BRIP1: variants seen among roughly 807,000 people sequenced by gnomAD.
BRIP1 encodes the protein BRCA1 interacting DNA helicase 1, also known as Fanconi anemia group J protein.
A neutral mutation model predicts 119.7 loss-of-function variants in BRIP1; 88 were observed. The observed-to-expected ratio is 0.74, with a 90% CI of 0.62 to 0.88. BRIP1 has a LOEUF of 0.88. Among genes scored for constraint, BRIP1 ranks in the 40% least tolerant of loss-of-function variants. BRIP1 has a pLI of 0.00. For synonymous variants in BRIP1, 443 were observed against 496.5 expected (o/e 0.89, Z 1.43); for missense variants, 1,259 against 1,455.4 (o/e 0.87, Z 2.20).
chr17:61,737,158 G>A (rs978881464), intron 16 of BRIP1, among the ~76,000 whole-genome samples: 16 of 152,068 alleles, frequency 1.1e-4, no homozygotes, highest in Admixed American at 3.9e-4. Flanking sequence ...ATGAAGGATT[G>A]AGGAACAAAA....
intron 6 of BRIP1, among the ~76,000 whole-genome samples, chr17:61,826,161 T>A (rs978549303): frequency 2.0e-5 from 3 of 152,198 alleles, no homozygotes; most frequent in African/African-American, 7.2e-5. Flanking sequence ...AAGGATTCCC[T>A]ATTCAGTAAA....
intron 16 of BRIP1, among the ~76,000 whole-genome samples, chr17:61,737,057 G>A (rs2076928344): frequency 1.3e-5 from 2 of 151,880 alleles, no homozygotes; most frequent in Admixed American, 1.3e-4. Context: ...AATCCCCAAG[G>A]TAAATACTAA....
At chr17:61,859,416 C>T (rs983757810) in intron 3 of BRIP1, among the ~76,000 whole-genome samples, 3 of 152,232 alleles carry the variant, frequency 2.0e-5, no homozygotes, top group African/African-American at 4.8e-5. Flanking sequence ...TCTGCAACCT[C>T]GACCTCCTGG....
In BRIP1 at chr17:61,846,246, A is replaced by AAGAGAGAGAGAGAGAAAG. The variant is rs769544401; in HGVS notation, c.627+837_627+854dup. On this transcript the variant is annotated intron_variant, in intron 6 of 19. Coordinates refer to ENST00000259008, the MANE Select transcript of BRIP1 (RefSeq NM_032043.3). The surrounding 1 kb of genome is among the most constrained non-coding windows in gnomAD (Gnocchi z 4.3). ...ACATATAGAGAGAGAGAGAGAGAAA[A>AAGAGAGAGAGAGAGAAAG]AGAGAGAGAGAGAGAAAGAGAGAGA... 0.028 allele frequency among the ~76,000 whole-genome samples: 3,522 copies of AAGAGAGAGAGAGAGAAAG among 124,776 alleles called. 61 individuals carry two copies. The highest frequency in any genetic ancestry group is 0.12 in the Middle Eastern group (32 of 274). 81.9% of individuals were successfully genotyped at this position (124,776 alleles called of 152,430 possible). A position where few individuals can be genotyped will look rare whatever the true frequency, so the allele number is the denominator to read the frequency against.
chr17:61,765,404 TATATATATATATATATATA>T lies in BRIP1; in HGVS notation c.2097+10978_2097+10996del, dbSNP rs1402975327. Among the ~76,000 whole-genome samples the T allele has an allele frequency of 6.0e-3, 97 of 16,274 alleles. 3 individuals are homozygous for T. Among genetic ancestry groups the T allele is most frequent in the Non-Finnish European group, 0.011 (77 of 7,204 alleles). 10.7% of individuals were successfully genotyped at this position (16,274 alleles called of 152,430 possible). On this transcript the variant is annotated intron_variant, in intron 14 of 19. Transcript: ENST00000259008. Reference sequence around the variant, plus strand: ...TTATATATATATATATATATATATATATATATATATATATATATATTTTTTTTTTTTTTTTTTTTTTTTT... The same window carrying T: ...TTATATATATATATATATATATATATTTTTTTTTTTTTTTTTTTTTTTTTT...
In BRIP1 at chr17:61,793,635, T is replaced by C. The variant is rs2077853790; in HGVS notation, c.1435A>G (p.Lys479Glu). 4 of 1,608,730 alleles carry C rather than the reference T, an allele frequency of 2.5e-6. No homozygotes were observed. The highest frequency in any genetic ancestry group is 3.4e-6 in the Non-Finnish European group (4 of 1,177,056). ...AAAGTAGCAGTGGTGATACCCATTT[T>C]GTGTAAAGTTAAGAGCATTTCATTT... ...SGNEMLLTLHKMGITTATFPI... is the reference protein window; with the variant it reads ...SGNEMLLTLHEMGITTATFPI... Residue 479 changes from lysine to glutamate, a missense_variant, in exon 10 of 20, where the codon AAA (lysine) becomes GAA (glutamate). By Grantham distance (56) the Lys-to-Glu change is moderately conservative. Around this residue, in one of 3 missense-constraint regions of BRIP1, gnomAD observed 753 missense variants for 891.8 expected, o/e 0.84. Transcript: ENST00000259008. The surrounding 1 kb of genome is among the most constrained non-coding windows in gnomAD (Gnocchi z 5.2).
rs1451572691 is a variant in BRIP1, at chr17:61,803,153, G to A, written c.919-1679C>T. Among the ~76,000 whole-genome samples the A allele has an allele frequency of 2.0e-5, 3 of 150,936 alleles. No individual in the cohort carries two copies. Among genetic ancestry groups the A allele is most frequent in the South Asian group, 2.1e-4 (1 of 4,790 alleles). ...TCTGTCACCTGGGGTGCAGTGGCACGATCCAATCTTGGTTCACTGCAACCT... is the reference window on the plus strand; with the variant it reads ...TCTGTCACCTGGGGTGCAGTGGCACAATCCAATCTTGGTTCACTGCAACCT... On this transcript the variant is annotated intron_variant, in intron 7 of 19. Transcript: ENST00000259008. This position sits in a 1 kb window ranked among gnomAD's most constrained non-coding sequence, Gnocchi z 4.3.
At chr17:61,849,860 G>A (rs1418229198) in intron 4 of BRIP1, among the ~76,000 whole-genome samples, 2 of 152,130 alleles carry the variant, frequency 1.3e-5, no homozygotes, top group Non-Finnish European at 2.9e-5. Flanking sequence ...CCTGCTGTGT[G>A]ACTCCAACAT....
intron 10 of BRIP1, among the ~76,000 whole-genome samples, chr17:61,791,488 CAA>C (rs529710126): frequency 1.5e-4 from 8 of 52,926 alleles, no homozygotes; most frequent in Admixed American, 3.0e-4. Context: ...GACTTCATCT[CAA>C]AAAAAAAAAA....
chr17:61,727,412 CCA>C (rs1472863672), intron 16 of BRIP1, among the ~76,000 whole-genome samples: 43 of 152,120 alleles, frequency 2.8e-4, no homozygotes, highest in African/African-American at 8.0e-4. Flanking sequence ...TTTATTACCA[CCA>C]CAGTCCAAAA....
At chr17:61,727,904 C>T (rs1011730389) in intron 16 of BRIP1, among the ~76,000 whole-genome samples, 1 of 151,550 alleles carries the variant, frequency 6.6e-6, no homozygotes, top group Non-Finnish European at 1.5e-5. Context: ...ATCTTGGCCA[C>T]TGCAACCTCT....
In BRIP1 at chr17:61,767,156, G is replaced by T. The variant is rs530905429; in HGVS notation, c.2097+9245C>A. ...TCAAAAGAATATTAGTTTTTACTCA[G>T]TGAAAGAGTAAAGTTTTGAGTAAAT... On this transcript the variant is annotated intron_variant, in intron 14 of 19. Transcript: ENST00000259008. This position sits in a 1 kb window ranked among gnomAD's most constrained non-coding sequence, Gnocchi z 5.7. Among the ~76,000 whole-genome samples, 80 of 152,230 alleles carry T rather than the reference G, an allele frequency of 5.3e-4. No individual in the cohort carries two copies. The highest frequency in any genetic ancestry group is 1.9e-3 in the African/African-American group (78 of 41,554).
At position 61,799,207 on chromosome 17, in the gene BRIP1, T is replaced by C. The variant is rs1307394552; in HGVS notation, c.1233A>G (p.Thr411=). The C allele has an allele frequency of 1.2e-6, 2 of 1,613,516 alleles. No individual in the cohort carries two copies. Among genetic ancestry groups the C allele is most frequent in the Non-Finnish European group, 1.7e-6 (2 of 1,179,522 alleles). Residue 411 remains threonine, a synonymous_variant, in exon 9 of 20, where the codon ACA becomes ACG. Coordinates refer to ENST00000259008, the MANE Select transcript of BRIP1 (RefSeq NM_032043.3). The surrounding 1 kb of genome is among the most constrained non-coding windows in gnomAD (Gnocchi z 5.1). ...CCCGAGCAAACCGAAGCTGAACTTC[T>C]GTTACACTGTAACTTGCTGATTCCC... ...CARESASYSV[T]EVQLRFARDE... is the part of the protein sequence containing the mutation.
Position 61,752,985 on chromosome 17 carries a change from G to C in BRIP1, c.2098-8394C>G, listed in dbSNP as rs2077151750. On this transcript the variant is annotated intron_variant, in intron 14 of 19. Coordinates refer to ENST00000259008, the MANE Select transcript of BRIP1 (RefSeq NM_032043.3). The surrounding 1 kb of genome is among the most constrained non-coding windows in gnomAD (Gnocchi z 6.2). ...ATTTAATCTCTAATGTGGCAGCATTGAGAGGTGGGGGATTTTAAGAGGTGA... is the reference window on the plus strand; with the variant it reads ...ATTTAATCTCTAATGTGGCAGCATTCAGAGGTGGGGGATTTTAAGAGGTGA... 6.6e-6 allele frequency among the ~76,000 whole-genome samples: 1 copy of C among 152,178 alleles called. No homozygotes were observed. The highest frequency in any genetic ancestry group is 1.5e-5 in the Non-Finnish European group (1 of 68,030).
rs1411471382 is a variant in BRIP1, at chr17:61,809,664, C to T, written c.628-907G>A. ...AAGTCTCAATTATTACACCAAATGA[C>T]ACAGAACAAAGTCTCATTTTAGAGA... On this transcript the variant is annotated intron_variant, in intron 6 of 19. Coordinates refer to ENST00000259008, the MANE Select transcript of BRIP1 (RefSeq NM_032043.3). The surrounding 1 kb of genome is among the most constrained non-coding windows in gnomAD (Gnocchi z 5.2). 6.6e-6 allele frequency among the ~76,000 whole-genome samples: 1 copy of T among 151,942 alleles called. No homozygotes were observed. Among genetic ancestry groups the T allele is most frequent in the Admixed American group, 6.6e-5 (1 of 15,264 alleles).
rs139960292 is a variant in BRIP1, at chr17:61,786,197, CGTGT to C, written c.1474-1777_1474-1774del. Among the ~76,000 whole-genome samples, 375 of 149,012 alleles carry C rather than the reference CGTGT, an allele frequency of 2.5e-3. 1 individual carries two copies. The highest frequency in any genetic ancestry group is 0.017 in the Middle Eastern group (5 of 292). On this transcript the variant is annotated intron_variant, in intron 10 of 19. Coordinates refer to ENST00000259008, the MANE Select transcript of BRIP1 (RefSeq NM_032043.3). The stretch of plus-strand genomic sequence containing the variant: ...GAAGAAGAGAGAGCGCATGAGTGAG[CGTGT>C]GTGTGTGTGTGTGACAGAGAGAGAA...
At chr17:61,719,020 AT>A (rs1173975713) in intron 16 of BRIP1, among the ~76,000 whole-genome samples, 1 of 151,938 alleles carries the variant, frequency 6.6e-6, no homozygotes, top group Non-Finnish European at 1.5e-5. Context: ...TACAGAAGCA[AT>A]TTTTTTTCAA....
intron 10 of BRIP1, among the ~76,000 whole-genome samples, chr17:61,791,669 A>G (rs1020218160): frequency 6.6e-6 from 1 of 151,968 alleles, no homozygotes; most frequent in Non-Finnish European, 1.5e-5. Flanking sequence ...AAGAGGGCAA[A>G]AAGTATAGTT....
Position 61,684,046 on chromosome 17 carries a change from A to G in BRIP1, c.3000T>C (p.Val1000=). The stretch of plus-strand genomic sequence containing the variant: ...CCAAAGAATTAAAGCTTGACCAGCT[A>G]ACTCTCTTTGTTTGTTTGTTGAAAG... ...SPTFNKQTKR[V]SWSSFNSLGQ... Residue 1000 remains valine, a synonymous_variant, in exon 20 of 20, where the codon GTT becomes GTC. Transcript: ENST00000259008. The surrounding 1 kb of genome is among the most constrained non-coding windows in gnomAD (Gnocchi z 4.5). 1 of 1,613,972 alleles carries G rather than the reference A, an allele frequency of 6.2e-7. No individual in the cohort carries two copies. The highest frequency in any genetic ancestry group is 8.5e-7 in the Non-Finnish European group (1 of 1,179,982).
Sources: gnomAD v4.1 joint callset for allele counts (sites outside exome capture counted in the v4.1 genomes callset) on GRCh38, gnomAD v4.1.1 for gene constraint, gnomAD v4.1.1 regional missense constraint, Gnocchi (gnomAD v3.1) non-coding constraint, MANE v1.5 for transcripts, NCBI Gene and HGNC (gene_info 2026-07-23, HGNC 2026-07-21) for gene names.